Variants in WWOX observed in about 807,000 individuals in gnomAD.
WWOX encodes WW domain-containing oxidoreductase.
A neutral mutation model predicts 46.2 loss-of-function variants in WWOX; 69 were observed. That is an observed-to-expected ratio of 1.49 (90% CI 1.23 to 1.82). The LOEUF (loss-of-function observed/expected upper bound fraction) is 1.82. WWOX is among the 40% of genes most tolerant of loss of function. The pLI is 0.00. For synonymous variants in WWOX, 359 were observed against 202.6 expected, an observed-to-expected ratio of 1.77 and a Z score of -6.56; for missense variants, 919 against 542.6, an observed-to-expected ratio of 1.69 and a Z score of -6.89.
chr16:79,041,265 C>T (rs1384709010), intron 8 of WWOX, among the ~76,000 whole-genome samples: 2 of 152,174 alleles, frequency 1.3e-5, no homozygotes, highest in African/African-American at 2.4e-5. Context: ...TTTCTTCCTT[C>T]ATAAGGTTAA....
intron 8 of WWOX, among the ~76,000 whole-genome samples, chr16:79,070,534 A>G (rs1029542025): frequency 1.3e-5 from 2 of 152,156 alleles, no homozygotes; most frequent in African/African-American, 4.8e-5. Context: ...ATGATTGTAC[A>G]CAGATGAGCA....
intron 8 of WWOX, among the ~76,000 whole-genome samples, chr16:78,855,933 C>T (rs1401017966): frequency 6.6e-6 from 1 of 152,120 alleles, no homozygotes; most frequent in East Asian, 1.9e-4. Flanking sequence ...GACTTGGGAA[C>T]AAATCAATCA....
rs78656100 is a variant in WWOX at position 78,197,011 on chromosome 16, A to G, written c.516+32722A>G. Among the ~76,000 whole-genome samples, 362 of 152,370 alleles carry G rather than the reference A, an allele frequency of 2.4e-3. 8 individuals carry two copies. In the East Asian group the frequency reaches 0.043, roughly 18 times the overall value. On this transcript the variant is annotated intron_variant, in intron 5 of 8. Coordinates refer to ENST00000566780, the MANE Select transcript of WWOX (RefSeq NM_016373.4). Reference sequence around the variant, plus strand: ...ACTTGTCTAATATATAATTTCAGGCATAAGGAGAAGGTGATATTGCATTGC... The same window carrying G: ...ACTTGTCTAATATATAATTTCAGGCGTAAGGAGAAGGTGATATTGCATTGC...
intron 1 of WWOX, among the ~76,000 whole-genome samples, chr16:78,104,825 G>A (rs534239039): frequency 3.4e-4 from 52 of 152,134 alleles, no homozygotes; most frequent in African/African-American, 1.3e-3. Context: ...AGTTCTTCCC[G>A]TGTTAACTCA....
intron 3 of WWOX, among the ~76,000 whole-genome samples, chr16:78,114,126 C>G (rs1253485262): frequency 1.6e-5 from 2 of 127,560 alleles, no homozygotes; most frequent in East Asian, 4.8e-4. Flanking sequence ...TACCCAGGGT[C>G]TTGGTCTGTC....
chr16:78,954,657 A>G (rs1031293288), intron 8 of WWOX, among the ~76,000 whole-genome samples: 1 of 152,220 alleles, frequency 6.6e-6, no homozygotes, highest in Non-Finnish European at 1.5e-5. Flanking sequence ...TTTTTGATAT[A>G]GAAGCATAGG....
At chr16:78,170,078 C>T (rs2035105517) in intron 5 of WWOX, among the ~76,000 whole-genome samples, 1 of 152,114 alleles carries the variant, frequency 6.6e-6, no homozygotes, top group Admixed American at 6.6e-5. Context: ...CAGAATGTGT[C>T]TTGAGTCTAT....
intron 5 of WWOX, among the ~76,000 whole-genome samples, chr16:78,172,433 C>T (rs571973534): frequency 1.3e-5 from 2 of 152,280 alleles, no homozygotes; most frequent in South Asian, 4.1e-4. Context: ...TAATCGGTTG[C>T]TAAAATATTC....
intron 8 of WWOX, among the ~76,000 whole-genome samples, chr16:78,503,345 T>C (rs2085115357): frequency 6.6e-6 from 1 of 152,164 alleles, no homozygotes; most frequent in Admixed American, 6.5e-5. Flanking sequence ...TTCCAACTGT[T>C]CCACTTTTGT....
rs60560119 is a variant in WWOX at position 78,734,841 on chromosome 16, C to CTTTT, written c.1056+302128_1056+302131dup. Among the ~76,000 whole-genome samples the CTTTT allele has an allele frequency of 3.3e-3, 133 of 40,126 alleles. 38 individuals carry two copies. The highest frequency in any genetic ancestry group is 4.2e-3 in the Admixed American group (10 of 2,402). 26.3% of individuals were successfully genotyped at this position (40,126 alleles called of 152,430 possible). On this transcript the variant is annotated intron_variant, in intron 8 of 8. Coordinates refer to ENST00000566780, the MANE Select transcript of WWOX (RefSeq NM_016373.4). Reference sequence around the variant, plus strand: ...GATGACTCAGGTGGGGACTTCAGTCCTTTTTTTTTTTTTTTTTTTTTTTTT... The same window carrying CTTTT: ...GATGACTCAGGTGGGGACTTCAGTCCTTTTTTTTTTTTTTTTTTTTTTTTTTTTT...
intron 6 of WWOX, among the ~76,000 whole-genome samples, chr16:78,414,636 G>C (rs1393580446): frequency 6.6e-6 from 1 of 152,194 alleles, no homozygotes; most frequent in African/African-American, 2.4e-5. Flanking sequence ...TTCTACAACA[G>C]TGATGTTATC....
At chr16:78,968,849 T>C (rs772542819) in intron 8 of WWOX, among the ~76,000 whole-genome samples, 7 of 152,174 alleles carry the variant, frequency 4.6e-5, no homozygotes, top group Non-Finnish European at 7.4e-5. Context: ...CAAAGTGCAG[T>C]ATTACCATAA....
intron 8 of WWOX, among the ~76,000 whole-genome samples, chr16:78,792,439 A>G (rs2050631069): frequency 6.6e-6 from 1 of 152,166 alleles, no homozygotes; most frequent in South Asian, 2.1e-4. Context: ...TCTGGGCCAG[A>G]GCAAATCATA....
chr16:79,105,112 G>A (rs2049281846), intron 8 of WWOX, among the ~76,000 whole-genome samples: 1 of 152,134 alleles, frequency 6.6e-6, no homozygotes, highest in African/African-American at 2.4e-5. Flanking sequence ...CTCACCTGCT[G>A]GGGGTCTTTG....
At chr16:78,132,274 C>A (rs1212343375) in intron 4 of WWOX, among the ~76,000 whole-genome samples, 1 of 152,022 alleles carries the variant, frequency 6.6e-6, no homozygotes, top group Non-Finnish European at 1.5e-5. Context: ...GATCTGCCCA[C>A]CTCAGCCTCC....
intron 8 of WWOX, among the ~76,000 whole-genome samples, chr16:79,172,433 C>G (rs1279263070): frequency 6.6e-6 from 1 of 152,158 alleles, no homozygotes; most frequent in African/African-American, 2.4e-5. Flanking sequence ...GGGCTGCAAA[C>G]TCAAGAGCAG....
At chr16:78,233,496 A>T (rs1049752808) in intron 5 of WWOX, among the ~76,000 whole-genome samples, 2 of 150,238 alleles carry the variant, frequency 1.3e-5, no homozygotes, top group African/African-American at 2.5e-5. Context: ...TTACCCTAGA[A>T]TTTGAAACAT....
At chr16:78,716,213 A>G (rs946846626) in intron 8 of WWOX, among the ~76,000 whole-genome samples, 2 of 152,040 alleles carry the variant, frequency 1.3e-5, no homozygotes, top group African/African-American at 2.4e-5. Context: ...GGCCGTGTAG[A>G]GGCAGAGGCA....
At chr16:78,688,276 C>T (rs1388049141) in intron 8 of WWOX, among the ~76,000 whole-genome samples, 4 of 151,180 alleles carry the variant, frequency 2.6e-5, no homozygotes, top group Admixed American at 2.0e-4. Context: ...CTTGTTGCAT[C>T]GTCTTTATCC....
Sources: gnomAD v4.1 joint callset for allele counts (sites outside exome capture counted in the v4.1 genomes callset) on GRCh38, gnomAD v4.1.1 for gene constraint, MANE v1.5 for transcripts, NCBI Gene and HGNC (gene_info 2026-07-23, HGNC 2026-07-21) for gene names.